The following TRPC4 variants were observed in gnomAD, a reference collection of about 807,000 sequenced individuals.
TRPC4 encodes the protein short transient receptor potential channel 4.
A neutral mutation model predicts 99.4 loss-of-function variants in TRPC4; 49 were observed. That is an observed-to-expected ratio of 0.49 (90% CI 0.39 to 0.63). The LOEUF is 0.63. Ranked by LOEUF, TRPC4 falls within the 20% of genes least tolerant of loss-of-function variation. TRPC4 has a pLI of 0.00. For synonymous variants in TRPC4, 454 were observed against 425.9 expected (o/e 1.07, Z -0.81); for missense variants, 898 against 1,152.9 (o/e 0.78, Z 3.20).
intron 2 of TRPC4, among the ~76,000 whole-genome samples, chr13:37,751,596 C>T (rs966242173): frequency 6.6e-6 from 1 of 151,980 alleles, no homozygotes; most frequent in Non-Finnish European, 1.5e-5. Flanking sequence ...ACTGCAAATG[C>T]GATTTTTCTA....
intron 1 of TRPC4, among the ~76,000 whole-genome samples, chr13:37,787,130 A>T (rs1352234735): frequency 1.3e-5 from 2 of 151,670 alleles, no homozygotes; most frequent in Non-Finnish European, 2.9e-5. Context: ...TCCAAGGAAC[A>T]CAAAGGAAAG....
At position 37,811,750 on chromosome 13, in the gene TRPC4, C is replaced by T. The variant is rs151206435; in HGVS notation, c.-27-28390G>A. On this transcript the variant is annotated intron_variant, in intron 1 of 10. Coordinates refer to ENST00000379705, the MANE Select transcript of TRPC4 (RefSeq NM_016179.4). ...GACAGTCTATTCCCACTTTCCAAAA[C>T]GGAAAAACCAAATAATTTATGAAGC... is the stretch of plus-strand genomic sequence containing the variant. 1.7e-3 allele frequency among the ~76,000 whole-genome samples: 259 copies of T among 152,192 alleles called. 2 individuals carry two copies. The highest frequency in any genetic ancestry group is 5.1e-3 in the African/African-American group (212 of 41,546).
rs1957965289 is a variant in TRPC4, at chr13:37,819,873, C to A, written c.-27-36513G>T. Among the ~76,000 whole-genome samples the A allele has an allele frequency of 2.0e-5, 3 of 149,728 alleles. No individual in the cohort carries two copies. The South Asian group carries it at 6.3e-4, about 32-fold the overall frequency. The stretch of plus-strand genomic sequence containing the variant: ...AGATGTCAAATTAACAACCTAACAT[C>A]ACACCTAGAGGAACTAAAAAAACAA... On this transcript the variant is annotated intron_variant, in intron 1 of 10. Transcript: ENST00000379705.
intron 2 of TRPC4, among the ~76,000 whole-genome samples, chr13:37,778,128 A>C (rs1956754990): frequency 6.6e-6 from 1 of 152,080 alleles, no homozygotes; most frequent in African/African-American, 2.4e-5. Flanking sequence ...TCCTGAATTC[A>C]AATAAGTAAT....
intron 1 of TRPC4, among the ~76,000 whole-genome samples, chr13:37,862,791 T>C: frequency 6.6e-6 from 1 of 151,596 alleles, no homozygotes; most frequent in East Asian, 1.9e-4. Context: ...AGAGTGACTG[T>C]TATGTATTAA....
intron 2 of TRPC4, among the ~76,000 whole-genome samples, chr13:37,778,323 A>T (rs995230984): frequency 2.0e-5 from 3 of 151,942 alleles, no homozygotes; most frequent in African/African-American, 7.2e-5. Flanking sequence ...TAGCAATAGG[A>T]CCTACTTTCA....
Position 37,651,318 on chromosome 13 carries a change from G to A in TRPC4, c.2026C>T (p.His676Tyr). The change falls in exon 8 of 11, where the codon CAC (histidine) becomes TAC (tyrosine). Residue 676 changes from histidine to tyrosine, a missense_variant. Around this residue, in one of 3 missense-constraint regions of TRPC4, gnomAD observed 274 missense variants for 454.9 expected, o/e 0.60. Coordinates refer to ENST00000379705, the MANE Select transcript of TRPC4 (RefSeq NM_016179.4). ...LWYLIKWIWT[H>Y]LCKKKMRRKP... The stretch of plus-strand genomic sequence containing the variant: ...CTTCTCATCTTTTTCTTGCACAAGT[G>A]TGTCCAGATCCATTTGATCAGGTAC... The A allele has an allele frequency of 1.2e-6, 2 of 1,614,128 alleles. No homozygotes were observed. The highest frequency in any genetic ancestry group is 1.1e-5 in the South Asian group (1 of 91,082).
rs11389220 is a variant in TRPC4 at position 37,690,812 on chromosome 13, C to CTT, written c.1234+1185_1234+1186dup. Among the ~76,000 whole-genome samples the CTT allele has an allele frequency of 9.0e-3, 1,341 of 149,672 alleles. 16 individuals are homozygous for CTT. Among genetic ancestry groups the CTT allele is most frequent in the African/African-American group, 0.029 (1,204 of 40,930 alleles). On this transcript the variant is annotated intron_variant, in intron 4 of 10. Transcript: ENST00000379705. ...AACATATTTATCTCAAATAGGCTGT[C>CTT]TTTTTTTTTTCTGCCTTGATGTCAT... is the stretch of plus-strand genomic sequence containing the variant.
At chr13:37,802,604 A>C (rs1223696622) in intron 1 of TRPC4, among the ~76,000 whole-genome samples, 1 of 152,088 alleles carries the variant, frequency 6.6e-6, no homozygotes, top group Non-Finnish European at 1.5e-5. Flanking sequence ...TGGTGATATT[A>C]ACCTTGATCA....
At chr13:37,682,133 C>T (rs370335342) in intron 4 of TRPC4, among the ~76,000 whole-genome samples, 8 of 152,218 alleles carry the variant, frequency 5.3e-5, no homozygotes, top group South Asian at 4.2e-4. Flanking sequence ...TCTTACTGTC[C>T]GTACTTACAC....
intron 1 of TRPC4, among the ~76,000 whole-genome samples, chr13:37,868,217 G>A (rs981497846): frequency 1.3e-5 from 2 of 152,084 alleles, no homozygotes; most frequent in Non-Finnish European, 2.9e-5. Flanking sequence ...AAGGTTATAA[G>A]TAATGAAAAT....
At chr13:37,803,381 A>C (rs1009381331) in intron 1 of TRPC4, among the ~76,000 whole-genome samples, 9 of 152,110 alleles carry the variant, frequency 5.9e-5, no homozygotes, top group Non-Finnish European at 1.5e-5. Context: ...AAAAACATAC[A>C]TGTAAACTCA....
chr13:37,776,041 C>T (rs1402610342), intron 2 of TRPC4, among the ~76,000 whole-genome samples: 2 of 151,766 alleles, frequency 1.3e-5, no homozygotes, highest in Non-Finnish European at 2.9e-5. Context: ...ACCACTTTAT[C>T]ATACTAATAG....
At chr13:37,737,934 T>C (rs1444414062) in intron 3 of TRPC4, among the ~76,000 whole-genome samples, 1 of 152,096 alleles carries the variant, frequency 6.6e-6, no homozygotes, top group East Asian at 1.9e-4. Context: ...AATGGAAAGG[T>C]TTTCTTTCTC....
chr13:37,846,633 C>T (rs1470695649), intron 1 of TRPC4, among the ~76,000 whole-genome samples: 1 of 118,234 alleles, frequency 8.5e-6, no homozygotes, highest in African/African-American at 3.2e-5. Context: ...CAAATGAAGA[C>T]AGAAAGAGAG....
chr13:37,791,415 A>G (rs1210965871), intron 1 of TRPC4, among the ~76,000 whole-genome samples: 1 of 151,542 alleles, frequency 6.6e-6, no homozygotes, highest in African/African-American at 2.4e-5. Flanking sequence ...AAAAAAAAAA[A>G]AAAGGATAAA....
chr13:37,663,209 A>T (rs2957215), intron 6 of TRPC4, among the ~76,000 whole-genome samples: 1 of 152,004 alleles, frequency 6.6e-6, no homozygotes, highest in Non-Finnish European at 1.5e-5. Flanking sequence ...ATTTTACTAA[A>T]ATTTAAAATA....
At chr13:37,868,769 A>G (rs1255982034) in intron 1 of TRPC4, among the ~76,000 whole-genome samples, 1 of 152,204 alleles carries the variant, frequency 6.6e-6, no homozygotes, top group African/African-American at 2.4e-5. Flanking sequence ...CTAAGAAGCC[A>G]TGTGAACAGG....
chr13:37,866,099 GAATAT>G (rs1283504053), intron 1 of TRPC4, among the ~76,000 whole-genome samples: 1 of 151,700 alleles, frequency 6.6e-6, no homozygotes, highest in Non-Finnish European at 1.5e-5. Context: ...ACCACAGACA[GAATAT>G]AATTAATGAA....
Sources: gnomAD v4.1 joint callset for allele counts (sites outside exome capture counted in the v4.1 genomes callset) on GRCh38, gnomAD v4.1.1 for gene constraint, gnomAD v4.1.1 regional missense constraint, MANE v1.5 for transcripts, NCBI Gene and HGNC (gene_info 2026-07-23, HGNC 2026-07-21) for gene names.